SORCS1: variants seen among roughly 807,000 people sequenced by gnomAD.
SORCS1 encodes sortilin related VPS10 domain containing receptor 1.
A neutral mutation model predicts 146.1 loss-of-function variants in SORCS1; 60 were observed. That is an observed-to-expected ratio of 0.41 (90% CI 0.33 to 0.51). SORCS1 has a LOEUF of 0.51. Ranked by LOEUF, SORCS1 falls within the 20% of genes least tolerant of loss-of-function variation. SORCS1 has a pLI of 0.21. For missense variants in SORCS1, 1,352 were observed against 1,487.6 expected, an observed-to-expected ratio of 0.91 and a Z score of 1.50; for synonymous variants, 637 against 584.0, an observed-to-expected ratio of 1.09 and a Z score of -1.31.
intron 16 of SORCS1, among the ~76,000 whole-genome samples, chr10:106,670,178 G>A (rs1230944261): frequency 1.3e-5 from 2 of 152,170 alleles, no homozygotes; most frequent in Non-Finnish European, 2.9e-5. Flanking sequence ...AAAATGAGAT[G>A]GAAAATATCA....
chr10:106,994,940 T>C (rs985846931), intron 1 of SORCS1, among the ~76,000 whole-genome samples: 1 of 152,136 alleles, frequency 6.6e-6, no homozygotes, highest in African/African-American at 2.4e-5. Flanking sequence ...ATGGAAACCT[T>C]GTCAACAGAA....
At chr10:106,962,377 A>G (rs1386582739) in intron 1 of SORCS1, among the ~76,000 whole-genome samples, 3 of 137,486 alleles carry the variant, frequency 2.2e-5, no homozygotes, top group African/African-American at 8.1e-5. Context: ...CTGGGCAACA[A>G]GAGCAAAACT....
At chr10:106,642,806 C>T (rs1400189536) in intron 18 of SORCS1, among the ~76,000 whole-genome samples, 1 of 152,154 alleles carries the variant, frequency 6.6e-6, no homozygotes, top group Admixed American at 6.5e-5. Flanking sequence ...GAGAGGATTT[C>T]GCATCTCTCT....
At chr10:106,676,652 G>C (rs1852051038) in intron 13 of SORCS1, among the ~76,000 whole-genome samples, 1 of 152,010 alleles carries the variant, frequency 6.6e-6, no homozygotes, top group Non-Finnish European at 1.5e-5. Flanking sequence ...CTCTGTCTGT[G>C]TCTCTCTCTC....
chr10:107,042,222 T>C (rs918174019), intron 1 of SORCS1, among the ~76,000 whole-genome samples: 22 of 152,330 alleles, frequency 1.4e-4, no homozygotes, highest in African/African-American at 5.1e-4. Flanking sequence ...TCTTTGAGTC[T>C]GGTGTAATCA....
At chr10:106,591,299 C>T (rs1248546369) in intron 24 of SORCS1, among the ~76,000 whole-genome samples, 2 of 152,114 alleles carry the variant, frequency 1.3e-5, no homozygotes, top group Non-Finnish European at 2.9e-5. Flanking sequence ...TTTCAACTGC[C>T]CATTCCCCAC....
chr10:107,144,605 G>A (rs1037977552), intron 1 of SORCS1, among the ~76,000 whole-genome samples: 1 of 152,204 alleles, frequency 6.6e-6, no homozygotes, highest in Non-Finnish European at 1.5e-5. Flanking sequence ...CAGCTAGCTG[G>A]CCTCTGCCAA....
At chr10:107,018,368 A>G (rs1420029703) in intron 1 of SORCS1, among the ~76,000 whole-genome samples, 3 of 151,384 alleles carry the variant, frequency 2.0e-5, no homozygotes, top group Admixed American at 6.6e-5. Context: ...TTGTATTTTA[A>G]GTAGAGACGG....
chr10:106,620,710 A>G (rs1036443661), intron 19 of SORCS1, 149 bp from the exon 20 acceptor site: 1 of 945,718 alleles, frequency 1.1e-6, no homozygotes, highest in African/African-American at 1.7e-5. Flanking sequence ...TGCTTTCCCC[A>G]CTTTGGAGAA....
chr10:107,097,946 A>G (rs1964649858), intron 1 of SORCS1, among the ~76,000 whole-genome samples: 7 of 152,234 alleles, frequency 4.6e-5, no homozygotes, highest in Admixed American at 4.6e-4. Context: ...TACAGGAAAA[A>G]AATGCCCATT....
chr10:106,616,316 A>T (rs1345621300), intron 21 of SORCS1, among the ~76,000 whole-genome samples: 1 of 152,150 alleles, frequency 6.6e-6, no homozygotes, highest in Non-Finnish European at 1.5e-5. Context: ...AGAGAAAGGA[A>T]AAAAAAATCC....
chr10:106,577,578 T>C, intron 25 of SORCS1, 23 bp from the exon 26 acceptor site: 1 of 1,610,112 alleles, frequency 6.2e-7, no homozygotes, highest in Non-Finnish European at 8.5e-7. Flanking sequence ...GTGTAACACT[T>C]ACTCATTTAA....
At chr10:106,844,784 A>C (rs1949244061) in intron 2 of SORCS1, among the ~76,000 whole-genome samples, 1 of 122,848 alleles carries the variant, frequency 8.1e-6, no homozygotes, top group African/African-American at 3.1e-5. Context: ...TCCTGTGTCC[A>C]TGTGATCTCA....
chr10:107,006,746 G>A (rs2139683539), intron 1 of SORCS1, among the ~76,000 whole-genome samples: 1 of 152,356 alleles, frequency 6.6e-6, no homozygotes, highest in African/African-American at 2.4e-5. Context: ...GAACCTGGGA[G>A]GCGGAGCTTG....
chr10:106,810,621 C>T (rs1194392759), intron 3 of SORCS1, among the ~76,000 whole-genome samples: 1 of 152,188 alleles, frequency 6.6e-6, no homozygotes, highest in Non-Finnish European at 1.5e-5. Flanking sequence ...TAATAGTGGC[C>T]TCCCAGGGCT....
intron 1 of SORCS1, among the ~76,000 whole-genome samples, chr10:107,086,783 ACTTTGGGAGG>A (rs1338736961): frequency 7.9e-5 from 12 of 152,244 alleles, no homozygotes; most frequent in African/African-American, 2.7e-4. Context: ...TAATCCCAGC[ACTTTGGGAGG>A]CCAAGGCAGG....
chr10:107,164,441 G>A lies in SORCS1; in HGVS notation c.86C>T (p.Pro29Leu), dbSNP rs1304706145. ...AGAGLLILCA[P>L]GVCGGGSCCP... ...GCAGGAGCCGCCGCCGCAGACGCCC[G>A]GGGCGCAGAGGATCAAGAGCCCCGC... The change falls in exon 1 of 26, where the codon CCG becomes CTG. Residue 29 changes from proline to leucine, a missense_variant. Physicochemically the swap from Pro to Leu is moderately conservative, Grantham distance 98. Coordinates refer to ENST00000263054, the MANE Select transcript of SORCS1 (RefSeq NM_052918.5). The surrounding 1 kb of genome is among the most constrained non-coding windows in gnomAD (Gnocchi z 6.8). 5 of 1,406,120 alleles carry A rather than the reference G, an allele frequency of 3.6e-6. No individual in the cohort carries two copies. Among genetic ancestry groups the A allele is most frequent in the Non-Finnish European group, 4.6e-6 (5 of 1,086,412 alleles). The allele number at this position is 1,406,120 out of a possible 1,614,324, so 87.1% of individuals were successfully genotyped here.
chr10:107,098,035 C>G lies in SORCS1; in HGVS notation c.558+65934G>C, dbSNP rs987376272. Among the ~76,000 whole-genome samples the G allele has an allele frequency of 2.6e-5, 4 of 152,284 alleles. 1 individual carries two copies. The South Asian group carries it at 8.3e-4, about 32-fold the overall frequency. ...TAAAACAGTTATTTTTTGCAAAGCA[C>G]TATTGTGATAAGCATTCTCCTTGTG... On this transcript the variant is annotated intron_variant, in intron 1 of 25. Coordinates refer to ENST00000263054, the MANE Select transcript of SORCS1 (RefSeq NM_052918.5).
intron 3 of SORCS1, among the ~76,000 whole-genome samples, chr10:106,787,879 T>C (rs915954114): frequency 5.3e-5 from 8 of 152,262 alleles, no homozygotes; most frequent in African/African-American, 1.9e-4. Context: ...CCCAGGTTCA[T>C]ATTCATGATA....
Sources: gnomAD v4.1 joint callset for allele counts (sites outside exome capture counted in the v4.1 genomes callset) on GRCh38, gnomAD v4.1.1 for gene constraint, Gnocchi (gnomAD v3.1) non-coding constraint, MANE v1.5 for transcripts, NCBI Gene and HGNC (gene_info 2026-07-23, HGNC 2026-07-21) for gene names.